COLGALT1: variants seen among roughly 807,000 people sequenced by gnomAD.
COLGALT1 encodes the protein collagen beta(1-O)galactosyltransferase 1.
In COLGALT1, 43 loss-of-function variants were observed where a neutral mutation model predicts 60.8. The ratio of observed to expected loss-of-function variants is 0.71; its 90% CI spans 0.55 to 0.91. The LOEUF (loss-of-function observed/expected upper bound fraction) is 0.91, where lower values mean the gene tolerates loss of function less well. Ranked by LOEUF, COLGALT1 falls within the 40% of genes least tolerant of loss-of-function variation. The pLI is 0.00. For synonymous variants in COLGALT1, 369 were observed against 374.2 expected (o/e 0.99, Z 0.16); for missense variants, 845 against 880.0 (o/e 0.96, Z 0.50).
intron 6 of COLGALT1, among the ~76,000 whole-genome samples, chr19:17,575,920 G>C (rs1167278234): frequency 6.6e-6 from 1 of 152,138 alleles, no homozygotes; most frequent in Non-Finnish European, 1.5e-5. Context: ...TCATATCCTG[G>C]GGTACTGGTG....
In COLGALT1 at chr19:17,575,658, C is replaced by T. The variant is rs568355623; in HGVS notation, c.950-1537C>T. On this transcript the variant is annotated intron_variant, in intron 6 of 11. Coordinates refer to ENST00000252599, the MANE Select transcript of COLGALT1 (RefSeq NM_024656.4). ...CCTCCCAAAGTGCTGGGATTACAGGCATGAACCACTGTGCCCGGCCTTCTT... is the reference window on the plus strand; with the variant it reads ...CCTCCCAAAGTGCTGGGATTACAGGTATGAACCACTGTGCCCGGCCTTCTT... Among the ~76,000 whole-genome samples the T allele has an allele frequency of 7.9e-5, 12 of 151,926 alleles. No individual in the cohort carries two copies. In the East Asian group the frequency reaches 2.4e-3, roughly 30 times the overall value.
rs1268990174 is a variant in COLGALT1, at chr19:17,555,800, G to A, written c.87G>A (p.Gly29=). The A allele has an allele frequency of 4.0e-6, 5 of 1,251,030 alleles. No homozygotes were observed. The highest frequency in any genetic ancestry group is 4.0e-6 in the Non-Finnish European group (4 of 997,450). 77.5% of individuals were successfully genotyped at this position (1,251,030 alleles called of 1,614,324 possible). The part of the protein sequence containing the change: ...LLLLLAPLPP[G]APPGADAYFP... Reference sequence around the variant, plus strand: ...TGCTGCTGGCGCCACTGCCGCCGGGGGCCCCGCCGGGCGCCGACGCCTACT... The same window carrying A: ...TGCTGCTGGCGCCACTGCCGCCGGGAGCCCCGCCGGGCGCCGACGCCTACT... The change falls in exon 1 of 12, where the codon GGG becomes GGA. Residue 29 remains glycine (G), a synonymous_variant. Coordinates refer to ENST00000252599, the MANE Select transcript of COLGALT1 (RefSeq NM_024656.4).
In COLGALT1 at chr19:17,581,473, C is replaced by T. The variant is rs768731759; in HGVS notation, c.*29C>T. ...GTAGCAGCCAGAAAGCCAAAGCAGC[C>T]ATCGGTGGCCCAGGCTCCACGTGCT... On this transcript the variant is annotated 3_prime_UTR_variant, in exon 12 of 12. Transcript: ENST00000252599. 24 of 1,591,222 alleles carry T rather than the reference C, an allele frequency of 1.5e-5. No homozygotes were observed. Among genetic ancestry groups the T allele is most frequent in the South Asian group, 7.8e-5 (7 of 89,394 alleles).
intron 1 of COLGALT1, chr19:17,556,614 C>G: frequency 1.1e-6 from 1 of 881,108 alleles, no homozygotes; most frequent in East Asian, 1.2e-4. Context: ...CCTCAGTTTT[C>G]TCAAATGGAA....
In COLGALT1 at chr19:17,580,716, G is replaced by A. The variant is rs1297678804; in HGVS notation, c.1412G>A (p.Arg471Gln). Residue 471 changes from arginine to glutamine, a missense_variant, in exon 11 of 12, where the codon CGG becomes CAG. Coordinates refer to ENST00000252599, the MANE Select transcript of COLGALT1 (RefSeq NM_024656.4). ...DWDLIYVGRK[R>Q]MQVEHPEKAV... The stretch of plus-strand genomic sequence containing the variant: ...CACCCCAGCTATGTGGGCCGGAAGC[G>A]GATGCAGGTGGAGCACCCCGAGAAG... 14 of 1,613,850 alleles carry A rather than the reference G, an allele frequency of 8.7e-6. No individual in the cohort carries two copies. Among genetic ancestry groups the A allele is most frequent in the Admixed American group, 6.7e-5 (4 of 59,978 alleles).
At chr19:17,556,431 G>A in intron 1 of COLGALT1, 2 of 503,672 alleles carry the variant, frequency 4.0e-6, no homozygotes, top group Non-Finnish European at 5.1e-6. Context: ...TGTGCCGGCT[G>A]CTGCCCTTAA....
At position 17,577,382 on chromosome 19, in the gene COLGALT1, C is replaced by T; in HGVS notation, c.1048C>T (p.Arg350Trp). The change falls in exon 8 of 12, where the codon CGG becomes TGG. Residue 350 changes from arginine (R) to tryptophan (W), a missense_variant. Transcript: ENST00000252599. ...GCAGGTCTTCATGATCAACCTGAGGCGGCGGCAGGACCGGCGGGAGCGCAT... is the reference window on the plus strand; with the variant it reads ...GCAGGTCTTCATGATCAACCTGAGGTGGCGGCAGGACCGGCGGGAGCGCAT... ...FDEVFMINLR[R>W]RQDRRERMLR... 4 of 1,595,024 alleles carry T rather than the reference C, an allele frequency of 2.5e-6. No homozygotes were observed. Among genetic ancestry groups the T allele is most frequent in the Non-Finnish European group, 2.6e-6 (3 of 1,173,256 alleles).
At position 17,578,002 on chromosome 19, in the gene COLGALT1, G is replaced by T; in HGVS notation, c.1179G>T (p.Leu393=). ...TGGAGGCGCTGGGGATCCAGATGCT[G>T]CCTGGCTACCGGGACCCCTACCACG... ...SQVEALGIQM[L]PGYRDPYHGR... is the part of the protein sequence containing the mutation. The change falls in exon 9 of 12, where the codon CTG becomes CTT. Residue 393 remains leucine, a synonymous_variant. Transcript: ENST00000252599. 6.2e-7 allele frequency: 1 copy of T among 1,612,404 alleles called. No individual in the cohort carries two copies. Among genetic ancestry groups the T allele is most frequent in the Non-Finnish European group, 8.5e-7 (1 of 1,179,568 alleles).
rs187492977 is a variant in COLGALT1, at chr19:17,581,301, G to C, written c.1726G>C (p.Val576Leu). 9 of 1,613,158 alleles carry C rather than the reference G, an allele frequency of 5.6e-6. No homozygotes were observed. In the South Asian group the frequency reaches 9.9e-5, roughly 18 times the overall value. Residue 576 changes from valine to leucine, a missense_variant, in exon 12 of 12, where the codon GTA (valine) becomes CTA (leucine). Val to Leu is a conservative substitution (Grantham distance 32, BLOSUM62 1). Transcript: ENST00000252599. The part of the protein sequence containing the change: ...GYVSDTETSV[V>L]WNNEHVKTDW... ...TGTGAGTGACACCGAGACCTCAGTC[G>C]TATGGAACAATGAGCACGTCAAGAC...
rs1482394435 is a variant in COLGALT1, at chr19:17,555,706, G to A, written c.-8G>A. On this transcript the variant is annotated 5_prime_UTR_variant, in exon 1 of 12. The change creates a new upstream start codon in the 5' untranslated region. Coordinates refer to ENST00000252599, the MANE Select transcript of COLGALT1 (RefSeq NM_024656.4). Reference sequence around the variant, plus strand: ...CAGAAAAACGACTTAAAGGAGACGCGTGGCGCGATGGCGGCGGCCCCACGC... The same window carrying A: ...CAGAAAAACGACTTAAAGGAGACGCATGGCGCGATGGCGGCGGCCCCACGC... The A allele has an allele frequency of 5.1e-6, 6 of 1,186,392 alleles. No homozygotes were observed. The East Asian group carries it at 1.8e-4, about 37-fold the overall frequency. The allele number at this position is 1,186,392 out of a possible 1,614,324, so 73.5% of individuals were successfully genotyped here. A position where few individuals can be genotyped will look rare whatever the true frequency, so the allele number is the denominator to read the frequency against.
At chr19:17,576,675 TG>T (rs2144841972) in intron 6 of COLGALT1, among the ~76,000 whole-genome samples, 1 of 23,994 alleles carries the variant, frequency 4.2e-5, no homozygotes, top group South Asian at 1.1e-3. Context: ...GGTTTAAAGG[TG>T]GGGCTGGGGG....
intron 4 of COLGALT1, among the ~76,000 whole-genome samples, chr19:17,568,200 A>T (rs1365610018): frequency 6.6e-6 from 1 of 152,146 alleles, no homozygotes; most frequent in Non-Finnish European, 1.5e-5. Flanking sequence ...GGGTGGGTTC[A>T]TTCTCAGACA....
Position 17,578,101 on chromosome 19 carries a change from G to A in COLGALT1, c.1266+12G>A, listed in dbSNP as rs781729335. On this transcript the variant is annotated intron_variant, in intron 9 of 11. Coordinates refer to ENST00000252599, the MANE Select transcript of COLGALT1 (RefSeq NM_024656.4). Reference sequence around the variant, plus strand: ...ACATCTGGAAGGAGGTGTGTCCTGAGTGATGGGCGGGGCCAGAGTTATGAC... The same window carrying A: ...ACATCTGGAAGGAGGTGTGTCCTGAATGATGGGCGGGGCCAGAGTTATGAC... 6.3e-7 allele frequency: 1 copy of A among 1,589,312 alleles called. No homozygotes were observed.
intron 9 of COLGALT1, among the ~76,000 whole-genome samples, chr19:17,578,303 CTG>C (rs1262860511): frequency 1.3e-5 from 2 of 152,152 alleles, no homozygotes; most frequent in Admixed American, 6.6e-5. Context: ...AATGTGGAAA[CTG>C]AGCCTGGGGG....
chr19:17,570,998 T>C (rs2076309344), intron 5 of COLGALT1, among the ~76,000 whole-genome samples: 1 of 152,202 alleles, frequency 6.6e-6, no homozygotes, highest in African/African-American at 2.4e-5. Context: ...AGCCCATTCA[T>C]TTAAGTGTCG....
rs2076392940 is a variant in COLGALT1 at position 17,582,815 on chromosome 19, C to T, written c.*1371C>T. The T allele has an allele frequency of 6.6e-6, 1 of 152,282 alleles. No homozygotes were observed. Among genetic ancestry groups the T allele is most frequent in the African/African-American group, 2.4e-5 (1 of 41,484 alleles). The allele number at this position is 152,282 out of a possible 1,614,324, so 9.4% of individuals were successfully genotyped here. The stretch of plus-strand genomic sequence containing the variant: ...TGGTGGCCCCACGCCACATGTTAGC[C>T]CCCCTGGAGGGGGCGCCAGTTGGAG... On this transcript the variant is annotated 3_prime_UTR_variant, in exon 12 of 12. Transcript: ENST00000252599.
At chr19:17,576,046 C>G (rs367962350) in intron 6 of COLGALT1, among the ~76,000 whole-genome samples, 5 of 152,284 alleles carry the variant, frequency 3.3e-5, no homozygotes, top group African/African-American at 1.2e-4. Context: ...AAAGCTGAGG[C>G]CCAGGCCAAT....
At chr19:17,564,140 T>G (rs1161429094) in intron 3 of COLGALT1, among the ~76,000 whole-genome samples, 1 of 151,392 alleles carries the variant, frequency 6.6e-6, no homozygotes, top group Non-Finnish European at 1.5e-5. Flanking sequence ...CCCAGCTAAT[T>G]GGGAGGCTGA....
chr19:17,559,136 G>A (rs1258508417), intron 1 of COLGALT1, among the ~76,000 whole-genome samples, 175 bp from the exon 2 acceptor site: 1 of 152,100 alleles, frequency 6.6e-6, no homozygotes, highest in Non-Finnish European at 1.5e-5. Context: ...CTCCAGCCTG[G>A]GCAACAGAGC....
Sources: allele counts gnomAD v4.1 joint callset (sites outside exome capture counted in the v4.1 genomes callset), GRCh38; gene constraint gnomAD v4.1.1; transcripts MANE v1.5; gene names NCBI Gene and HGNC (gene_info 2026-07-23, HGNC 2026-07-21).